The following ANXA9 variants were observed in gnomAD, a reference collection of about 807,000 sequenced individuals.
ANXA9 encodes annexin 31.
ANXA9 carries 47 observed loss-of-function variants against 51.8 expected under a neutral mutation model. The ratio of observed to expected loss-of-function variants is 0.91; its 90% CI spans 0.72 to 1.16. ANXA9 has a LOEUF of 1.16. Ranked by LOEUF, ANXA9 falls within the 50% of genes most tolerant of loss-of-function variation. The probability of loss-of-function intolerance (pLI) is 0.00; values close to 1 mark genes in which losing one functional copy is unlikely to be tolerated. For synonymous variants in ANXA9, 154 were observed against 168.7 expected, an observed-to-expected ratio of 0.91 and a Z score of 0.68; for missense variants, 361 against 424.7, an observed-to-expected ratio of 0.85 and a Z score of 1.32.
intron 12 of ANXA9, among the ~76,000 whole-genome samples, chr1:150,992,387 T>A (rs911454117): frequency 1.3e-5 from 2 of 152,142 alleles, no homozygotes; most frequent in Non-Finnish European, 2.9e-5. Flanking sequence ...CCGTCTCTAC[T>A]AAATATACAA....
chr1:150,994,161 A>T (rs1671776904), intron 12 of ANXA9, among the ~76,000 whole-genome samples: 2 of 152,180 alleles, frequency 1.3e-5, no homozygotes, highest in African/African-American at 4.8e-5. Flanking sequence ...TAGGGCAGGT[A>T]TATCCTCCTT....
chr1:150,987,762 T>A, intron 9 of ANXA9, 110 bp from the exon 10 acceptor site: 26 of 804,802 alleles, frequency 3.2e-5, no homozygotes, highest in Non-Finnish European at 4.8e-5. Context: ...CCACCCTCAA[T>A]CCCATTTCCA....
chr1:150,992,335 A>G lies in ANXA9; in HGVS notation c.853-2242A>G, dbSNP rs376992716. 1.8e-4 allele frequency among the ~76,000 whole-genome samples: 28 copies of G among 152,228 alleles called. No homozygotes were observed. The East Asian group carries it at 5.5e-3, about 30-fold the overall frequency. ...GAGGCCAAGGCAGGTGAATCACCCG[A>G]GGTCAGGAGTTCGAGACCAGACTGA... On this transcript the variant is annotated intron_variant, in intron 12 of 13. Transcript: ENST00000368947.
intron 12 of ANXA9, among the ~76,000 whole-genome samples, chr1:150,992,580 C>T (rs975991647): frequency 6.6e-6 from 1 of 151,718 alleles, no homozygotes; most frequent in African/African-American, 2.4e-5. Context: ...TATGCTGAAG[C>T]GAGCAGATCA....
chr1:150,984,559 TGA>T (rs771623942), intron 6 of ANXA9, 25 bp from the exon 7 acceptor site: 2 of 1,607,356 alleles, frequency 1.2e-6, no homozygotes, highest in Non-Finnish European at 1.7e-6. Flanking sequence ...ACGGCCAGTC[TGA>T]GAGTAGACTC....
At position 150,983,110 on chromosome 1, in the gene ANXA9, C is replaced by T. The variant is rs1432946584; in HGVS notation, c.5C>T (p.Ser2Phe). The T allele has an allele frequency of 6.2e-7, 1 of 1,613,882 alleles. No individual in the cohort carries two copies. The highest frequency in any genetic ancestry group is 1.7e-5 in the Admixed American group (1 of 59,986). The change falls in exon 3 of 14, where the codon TCT (serine) becomes TTT (phenylalanine). Residue 2 changes from serine (S) to phenylalanine (F), a missense_variant. By Grantham distance (155) the Ser-to-Phe change is radical. Coordinates refer to ENST00000368947, the MANE Select transcript of ANXA9 (RefSeq NM_003568.3). Reference protein sequence around the residue: MSVTGGKMAPSL... With the variant: MFVTGGKMAPSL... The stretch of plus-strand genomic sequence containing the variant: ...CCCAGGGCAACCAGTAGCACCATGT[C>T]TGTGACTGGCGGGAAGATGGCACCG...
intron 12 of ANXA9, among the ~76,000 whole-genome samples, chr1:150,988,654 T>TAAC (rs1442652041): frequency 6.6e-6 from 1 of 152,214 alleles, no homozygotes; most frequent in African/African-American, 2.4e-5. Context: ...GTGATGGTGA[T>TAAC]AACACTAGCA....
chr1:150,986,543 G>A, intron 8 of ANXA9, 59 bp from the exon 9 acceptor site: 1 of 1,592,570 alleles, frequency 6.3e-7, no homozygotes, highest in African/African-American at 1.3e-5. Flanking sequence ...TTCGCTTGTT[G>A]GTCTGAAGAT....
rs1246950965 is a variant in ANXA9 at position 150,983,173 on chromosome 1, C to G, written c.68C>G (p.Ala23Gly). The change falls in exon 3 of 14, where the codon GCC (alanine) becomes GGC (glycine). Residue 23 changes from alanine to glycine, a missense_variant. Transcript: ENST00000368947. ...TQEILSHLGL[A>G]SKTAAWGTLG... ...GAGATCCTCAGCCACCTGGGCCTGG[C>G]CAGCAAGGTAGGGGCTGTTGGGATT... is the stretch of plus-strand genomic sequence containing the variant. 1 of 1,613,938 alleles carries G rather than the reference C, an allele frequency of 6.2e-7. No individual in the cohort carries two copies. Among genetic ancestry groups the G allele is most frequent in the East Asian group, 2.2e-5 (1 of 44,866 alleles).
chr1:150,977,623 G>A (rs1214217923), upstream of ANXA9, among the ~76,000 whole-genome samples: 3 of 152,220 alleles, frequency 2.0e-5, no homozygotes, highest in Admixed American at 6.5e-5. Flanking sequence ...GGATGGGCAA[G>A]CATACAGGGA....
At position 150,983,451 on chromosome 1, in the gene ANXA9, C is replaced by T. The variant is rs767121894; in HGVS notation, c.172+17C>T. 39 of 1,593,720 alleles carry T rather than the reference C, an allele frequency of 2.4e-5. No individual in the cohort carries two copies. The highest frequency in any genetic ancestry group is 1.7e-4 in the Middle Eastern group (1 of 6,058). Reference sequence around the variant, plus strand: ...CTGGCCAAGGTGAGCCCCTTTCCCCCGGCACTTGAGACTGCCTTTTAGAGC... The same window carrying T: ...CTGGCCAAGGTGAGCCCCTTTCCCCTGGCACTTGAGACTGCCTTTTAGAGC... On this transcript the variant is annotated intron_variant, in intron 4 of 13. Coordinates refer to ENST00000368947, the MANE Select transcript of ANXA9 (RefSeq NM_003568.3).
chr1:150,991,196 A>G (rs915993266), intron 12 of ANXA9, among the ~76,000 whole-genome samples: 3 of 150,882 alleles, frequency 2.0e-5, no homozygotes, highest in African/African-American at 7.3e-5. Flanking sequence ...TAAATAAATA[A>G]GGAAAAAATC....
upstream of ANXA9, among the ~76,000 whole-genome samples, chr1:150,977,493 A>G (rs1671357785): frequency 6.6e-6 from 1 of 152,148 alleles, no homozygotes; most frequent in African/African-American, 2.4e-5. Context: ...ACAGTGCCCC[A>G]AGTGCTGCCT....
intron 12 of ANXA9, among the ~76,000 whole-genome samples, chr1:150,990,385 GAGAT>G (rs1205728996): frequency 2.7e-5 from 4 of 149,846 alleles, no homozygotes; most frequent in Non-Finnish European, 5.9e-5. Flanking sequence ...TTTTTTTTTT[GAGAT>G]AGAGTCTGGC....
upstream of ANXA9, among the ~76,000 whole-genome samples, chr1:150,979,292 G>A (rs962438143): frequency 5.3e-5 from 8 of 151,928 alleles, no homozygotes; most frequent in African/African-American, 1.9e-4. Flanking sequence ...GATTCGGCGT[G>A]AGGAAACAGG....
At chr1:150,988,245 C>T (rs1477761214) in intron 11 of ANXA9, 38 bp from the exon 12 acceptor site, 3 of 1,614,010 alleles carry the variant, frequency 1.9e-6, no homozygotes, top group East Asian at 2.2e-5. Flanking sequence ...GATTGTGGTC[C>T]TAGTTGTGAA....
At chr1:150,989,029 G>A (rs1671636316) in intron 12 of ANXA9, among the ~76,000 whole-genome samples, 1 of 151,316 alleles carries the variant, frequency 6.6e-6, no homozygotes, top group Non-Finnish European at 1.5e-5. Context: ...CTGGAGGCTG[G>A]AGTGCAGTGG....
At position 150,995,574 on chromosome 1, in the gene ANXA9, C is replaced by T. The variant is rs1443852661; in HGVS notation, c.*252C>T. 6 of 442,378 alleles carry T rather than the reference C, an allele frequency of 1.4e-5. No homozygotes were observed. The highest frequency in any genetic ancestry group is 2.0e-5 in the African/African-American group (1 of 48,788). The allele number at this position is 442,378 out of a possible 1,614,324, so 27.4% of individuals were successfully genotyped here. ...GAGTTTTCTTTGATAGTTTCTGCCT[C>T]ACTCATCCCTCCTGTACCCTGGCCA... On this transcript the variant is annotated 3_prime_UTR_variant, in exon 14 of 14. Coordinates refer to ENST00000368947, the MANE Select transcript of ANXA9 (RefSeq NM_003568.3).
At position 150,983,451 on chromosome 1, in the gene ANXA9, C is replaced by A. The variant is rs767121894; in HGVS notation, c.172+17C>A. ...CTGGCCAAGGTGAGCCCCTTTCCCC[C>A]GGCACTTGAGACTGCCTTTTAGAGC... On this transcript the variant is annotated intron_variant, in intron 4 of 13. Coordinates refer to ENST00000368947, the MANE Select transcript of ANXA9 (RefSeq NM_003568.3). 1 of 1,593,836 alleles carries A rather than the reference C, an allele frequency of 6.3e-7. No homozygotes were observed. The highest frequency in any genetic ancestry group is 8.6e-7 in the Non-Finnish European group (1 of 1,169,510).
Sources: allele counts gnomAD v4.1 joint callset (sites outside exome capture counted in the v4.1 genomes callset), GRCh38; gene constraint gnomAD v4.1.1; transcripts MANE v1.5; gene names NCBI Gene and HGNC (gene_info 2026-07-23, HGNC 2026-07-21).